RCAN2: variants seen among roughly 807,000 people sequenced by gnomAD.
The protein encoded by RCAN2 is calcipressin-2.
Under a neutral mutation model 23.6 loss-of-function variants are expected in RCAN2, and 9 were observed. The ratio of observed to expected loss-of-function variants is 0.38; its 90% CI spans 0.23 to 0.67. RCAN2 has a LOEUF of 0.67. Ranked by LOEUF, RCAN2 falls within the 30% of genes least tolerant of loss-of-function variation. The pLI is 0.51. For synonymous variants in RCAN2, 109 were observed against 115.7 expected, an observed-to-expected ratio of 0.94 and a Z score of 0.37; for missense variants, 273 against 302.3, an observed-to-expected ratio of 0.90 and a Z score of 0.72.
At chr6:46,310,968 A>G (rs1204421701) in intron 2 of RCAN2, among the ~76,000 whole-genome samples, 1 of 152,222 alleles carries the variant, frequency 6.6e-6, no homozygotes, top group Non-Finnish European at 1.5e-5. Flanking sequence ...GGTATTTTCA[A>G]TATCAAAATT....
At chr6:46,245,916 C>T (rs1766495408) in intron 4 of RCAN2, among the ~76,000 whole-genome samples, 1 of 152,150 alleles carries the variant, frequency 6.6e-6, no homozygotes, top group African/African-American at 2.4e-5. Context: ...GTTTCAGCCC[C>T]TTCAATTTCT....
At position 46,423,813 on chromosome 6, in the gene RCAN2, C is replaced by T. The variant is rs80068989; in HGVS notation, c.225+32939G>A. Among the ~76,000 whole-genome samples, 1,062 of 152,294 alleles carry T rather than the reference C, an allele frequency of 7.0e-3. 6 individuals are homozygous for T. Among genetic ancestry groups the T allele is most frequent in the Admixed American group, 0.013 (197 of 15,292 alleles). On this transcript the variant is annotated intron_variant, in intron 2 of 4. Transcript: ENST00000371374. ...GCATAATCTGATGATGCAGTAAGAA[C>T]TACATTGAGTATACCACATACCACG...
chr6:46,408,308 G>C (rs1309010432), intron 2 of RCAN2, among the ~76,000 whole-genome samples: 2 of 152,158 alleles, frequency 1.3e-5, no homozygotes, highest in Non-Finnish European at 2.9e-5. Flanking sequence ...ATGACTGCAG[G>C]CTCTTTGTGG....
intron 4 of RCAN2, among the ~76,000 whole-genome samples, chr6:46,238,043 A>G (rs1766168469): frequency 6.6e-6 from 1 of 152,186 alleles, no homozygotes; most frequent in Non-Finnish European, 1.5e-5. Context: ...AACAAAATAA[A>G]TGACTGTTGT....
intron 2 of RCAN2, among the ~76,000 whole-genome samples, chr6:46,253,643 A>G (rs766282529): frequency 1.3e-5 from 2 of 152,104 alleles, no homozygotes; most frequent in Non-Finnish European, 2.9e-5. Context: ...TAAAATTGGC[A>G]TTTTCTTTTT....
intron 2 of RCAN2, among the ~76,000 whole-genome samples, chr6:46,323,457 T>A (rs1168133708): frequency 6.6e-6 from 1 of 151,270 alleles, no homozygotes; most frequent in Non-Finnish European, 1.5e-5. Context: ...ATGTAGCACA[T>A]ATTTCTGGTA....
At chr6:46,456,694 T>A (rs1401621531) in intron 2 of RCAN2, 58 bp downstream of exon 2, 4 of 1,241,732 alleles carry the variant, frequency 3.2e-6, no homozygotes, top group Non-Finnish European at 4.6e-6. Flanking sequence ...AACAACAGGA[T>A]TACTTGGAGA....
chr6:46,239,531 C>T (rs899293624), intron 4 of RCAN2, among the ~76,000 whole-genome samples: 3 of 152,326 alleles, frequency 2.0e-5, no homozygotes, highest in Middle Eastern at 3.4e-3. Context: ...GGGCTGTAAA[C>T]TGACATTCTG....
intron 2 of RCAN2, among the ~76,000 whole-genome samples, chr6:46,323,922 T>C (rs77631180): frequency 0.02 from 3,081 of 152,338 alleles, 113 homozygotes; most frequent in African/African-American, 0.071. Flanking sequence ...GTTTAGAATA[T>C]TTTATGACAT....
At chr6:46,339,579 C>G in intron 2 of RCAN2, among the ~76,000 whole-genome samples, 1 of 152,126 alleles carries the variant, frequency 6.6e-6, no homozygotes, top group Admixed American at 6.5e-5. Flanking sequence ...TAAACAGTGG[C>G]TTGACATGAA....
intron 2 of RCAN2, among the ~76,000 whole-genome samples, chr6:46,343,608 C>T (rs1764400364): frequency 1.3e-5 from 2 of 152,062 alleles, no homozygotes; most frequent in African/African-American, 4.8e-5. Context: ...ATCTCCTGAC[C>T]TCGTGATCTG....
intron 2 of RCAN2, among the ~76,000 whole-genome samples, chr6:46,433,101 CA>C (rs1342776915): frequency 6.6e-6 from 1 of 152,010 alleles, no homozygotes; most frequent in Non-Finnish European, 1.5e-5. Context: ...ATGTTAACAA[CA>C]ATAATAATCA....
chr6:46,433,974 A>T (rs113346215), intron 2 of RCAN2, among the ~76,000 whole-genome samples: 1,959 of 152,328 alleles, frequency 0.013, 16 homozygotes, highest in Non-Finnish European at 0.02. Context: ...ATTACTGGGT[A>T]TAACTACAAA....
chr6:46,296,066 CGTGTGTGTGTGTGT>C (rs60947209), intron 2 of RCAN2, among the ~76,000 whole-genome samples: 1 of 138,450 alleles, frequency 7.2e-6, no homozygotes, highest in African/African-American at 2.7e-5. Context: ...CCAATAGCTT[CGTGTGTGTGTGTGT>C]GTGTGTGTGT....
upstream of RCAN2, chr6:46,491,847 A>C (rs1769165024): frequency 6.6e-6 from 1 of 152,452 alleles, no homozygotes; most frequent in African/African-American, 2.4e-5. Flanking sequence ...GTGGGGGAGT[A>C]CTGGGAGAAA....
chr6:46,311,324 T>C (rs973503152), intron 2 of RCAN2, among the ~76,000 whole-genome samples: 5 of 152,176 alleles, frequency 3.3e-5, no homozygotes, highest in Non-Finnish European at 5.9e-5. Context: ...AGGCTGAGGA[T>C]GGACACATCT....
intron 2 of RCAN2, among the ~76,000 whole-genome samples, chr6:46,279,874 T>C (rs1347042832): frequency 6.6e-6 from 1 of 152,214 alleles, no homozygotes; most frequent in Non-Finnish European, 1.5e-5. Flanking sequence ...GTCTGATGAA[T>C]AGTAACTCCC....
intron 1 of RCAN2, among the ~76,000 whole-genome samples, chr6:46,468,552 T>C (rs1015516765): frequency 5.9e-5 from 9 of 152,148 alleles, no homozygotes; most frequent in African/African-American, 2.2e-4. Context: ...CTTTCTGTCC[T>C]CCCGTCTGCA....
At chr6:46,441,640 T>A (rs1392235789) in intron 2 of RCAN2, among the ~76,000 whole-genome samples, 1 of 152,166 alleles carries the variant, frequency 6.6e-6, no homozygotes, top group African/African-American at 2.4e-5. Context: ...GATCAGCAAG[T>A]CTCTCTCTTA....
Sources: gnomAD v4.1 joint callset for allele counts (sites outside exome capture counted in the v4.1 genomes callset) on GRCh38, gnomAD v4.1.1 for gene constraint, MANE v1.5 for transcripts, NCBI Gene and HGNC (gene_info 2026-07-23, HGNC 2026-07-21) for gene names.